KLF12: variants seen among roughly 807,000 people sequenced by gnomAD.
The protein encoded by KLF12 is Krueppel-like factor 12.
In KLF12, 9 loss-of-function variants were observed where a neutral mutation model predicts 37.8. That is an observed-to-expected ratio of 0.24 (90% confidence interval 0.14 to 0.42). KLF12 has a LOEUF of 0.42. Ranked by LOEUF, KLF12 falls within the 10% of genes least tolerant of loss-of-function variation. The pLI is 1.00. For synonymous variants in KLF12, 208 were observed against 202.1 expected (o/e 1.03, Z -0.25); for missense variants, 411 against 516.0 (o/e 0.80, Z 1.97).
At chr13:74,273,209 C>G in the KLF12 span, among the ~76,000 whole-genome samples, 1 of 152,082 alleles carries the variant, frequency 6.6e-6, no homozygotes, top group Non-Finnish European at 1.5e-5. Context: ...ACTACAGAAA[C>G]AATGCCAGAT....
At chr13:73,749,550 A>T (rs961737483) in intron 6 of KLF12, among the ~76,000 whole-genome samples, 3 of 152,228 alleles carry the variant, frequency 2.0e-5, no homozygotes, top group Non-Finnish European at 2.9e-5. Context: ...ACTAATTGCA[A>T]GGAAATATAA....
At chr13:73,963,472 T>G (rs1271135555) in intron 2 of KLF12, among the ~76,000 whole-genome samples, 1 of 152,204 alleles carries the variant, frequency 6.6e-6, no homozygotes, top group Non-Finnish European at 1.5e-5. Flanking sequence ...CTTTTCTATT[T>G]ATTTTCAATT....
chr13:74,004,726 T>C (rs1010996940), intron 1 of KLF12, among the ~76,000 whole-genome samples: 4 of 152,212 alleles, frequency 2.6e-5, no homozygotes, highest in African/African-American at 7.2e-5. Context: ...CTGAGATTAT[T>C]TGAAATCGTG....
intron 3 of KLF12, among the ~76,000 whole-genome samples, chr13:73,936,202 T>C (rs1889916453): frequency 1.3e-5 from 2 of 152,222 alleles, no homozygotes; most frequent in South Asian, 2.1e-4. Flanking sequence ...TTTTACATCA[T>C]TCAGCACTAG....
intron 7 of KLF12, among the ~76,000 whole-genome samples, chr13:73,705,762 T>C (rs897197243): frequency 8.5e-5 from 13 of 152,226 alleles, no homozygotes; most frequent in African/African-American, 3.1e-4. Flanking sequence ...GAAGATATTA[T>C]TATTCCATAC....
chr13:74,277,608 G>A, the KLF12 span, among the ~76,000 whole-genome samples: 1 of 152,212 alleles, frequency 6.6e-6, no homozygotes, highest in African/African-American at 2.4e-5. Context: ...GCTCAGGGGC[G>A]GTAATCATAA....
the KLF12 span, among the ~76,000 whole-genome samples, chr13:74,148,278 A>T: frequency 1.6e-4 from 25 of 151,902 alleles, no homozygotes; most frequent in South Asian, 4.2e-3. Flanking sequence ...TCAGCATACA[A>T]CATGCTATAA....
At chr13:74,144,444 C>T in the KLF12 span, among the ~76,000 whole-genome samples, 4 of 152,222 alleles carry the variant, frequency 2.6e-5, no homozygotes, top group African/African-American at 7.2e-5. Context: ...TATATAACTG[C>T]GTATTTGTAT....
At chr13:74,066,106 T>C (rs1037955043) in intron 1 of KLF12, among the ~76,000 whole-genome samples, 1 of 152,002 alleles carries the variant, frequency 6.6e-6, no homozygotes, top group African/African-American at 2.4e-5. Flanking sequence ...TCCATCCACA[T>C]CCACAGGTCA....
At chr13:74,185,157 T>C in the KLF12 span, among the ~76,000 whole-genome samples, 10 of 152,248 alleles carry the variant, frequency 6.6e-5, no homozygotes, top group African/African-American at 1.7e-4. Flanking sequence ...ATTGTTAATA[T>C]GTATGCCAAT....
In KLF12 at chr13:73,762,459, A is replaced by C. The variant is rs190529768; in HGVS notation, c.869+2479T>G. On this transcript the variant is annotated intron_variant, in intron 6 of 7. Coordinates refer to ENST00000377669, the MANE Select transcript of KLF12 (RefSeq NM_007249.5). ...AGGCTTTCCCAACCTACTGATTTTC[A>C]TACCTTACCTATACATACCTTAATA... 2.0e-5 allele frequency among the ~76,000 whole-genome samples: 3 copies of C among 152,334 alleles called. No individual in the cohort carries two copies. The East Asian group carries it at 5.8e-4, about 29-fold the overall frequency.
intron 1 of KLF12, among the ~76,000 whole-genome samples, chr13:74,036,197 C>T (rs2138511181): frequency 6.6e-6 from 1 of 152,172 alleles, no homozygotes; most frequent in East Asian, 1.9e-4. Flanking sequence ...ACAATGTATC[C>T]TCTCCATACT....
intron 5 of KLF12, among the ~76,000 whole-genome samples, chr13:73,797,675 C>T (rs576336090): frequency 6.8e-6 from 1 of 146,364 alleles, no homozygotes; most frequent in South Asian, 2.1e-4. Context: ...GAGGCTCAGG[C>T]AGGATGATCC....
chr13:74,135,967 C>G (rs989686415), upstream of KLF12, among the ~76,000 whole-genome samples: 3 of 152,180 alleles, frequency 2.0e-5, no homozygotes, highest in Non-Finnish European at 4.4e-5. Context: ...CGGCGTCTGC[C>G]TGGTGCGTTC....
At chr13:73,915,689 ATTTT>A (rs140697314) in intron 3 of KLF12, among the ~76,000 whole-genome samples, 2 of 99,126 alleles carry the variant, frequency 2.0e-5, no homozygotes, top group Non-Finnish European at 2.0e-5. Flanking sequence ...ATTTTTTTGT[ATTTT>A]TTTTTTTTTT....
chr13:74,069,536 A>C (rs977550623), intron 1 of KLF12, among the ~76,000 whole-genome samples: 1 of 152,182 alleles, frequency 6.6e-6, no homozygotes, highest in Admixed American at 6.5e-5. Flanking sequence ...GAGGTTGGAA[A>C]GGCTGGGTAG....
chr13:74,110,276 C>A (rs956876281), intron 1 of KLF12, among the ~76,000 whole-genome samples: 2 of 152,176 alleles, frequency 1.3e-5, no homozygotes, highest in African/African-American at 4.8e-5. Context: ...TCTTTCTCCA[C>A]CCAGTCAAAT....
chr13:73,969,345 C>T (rs1485883208), intron 2 of KLF12, among the ~76,000 whole-genome samples: 2 of 152,202 alleles, frequency 1.3e-5, no homozygotes, highest in Non-Finnish European at 2.9e-5. Flanking sequence ...CAATCCCCTA[C>T]CATTTATCCC....
chr13:74,252,922 G>GTATAACT, the KLF12 span, among the ~76,000 whole-genome samples: 2 of 152,072 alleles, frequency 1.3e-5, no homozygotes, highest in African/African-American at 4.8e-5. Context: ...TTATCCCTAT[G>GTATAACT]TATAACTTAT....
Sources: gnomAD v4.1 joint callset for allele counts (sites outside exome capture counted in the v4.1 genomes callset) on GRCh38, gnomAD v4.1.1 for gene constraint, MANE v1.5 for transcripts, NCBI Gene and HGNC (gene_info 2026-07-23, HGNC 2026-07-21) for gene names.